ACOX3: variants seen among roughly 807,000 people sequenced by gnomAD.
ACOX3 encodes acyl-CoA oxidase 3, pristanoyl.
ACOX3 carries 73 observed loss-of-function variants against 81.5 expected under a neutral mutation model. The observed-to-expected ratio is 0.90, with a 90% CI of 0.74 to 1.09. The LOEUF (loss-of-function observed/expected upper bound fraction) is 1.09, where lower values mean the gene tolerates loss of function less well. Ranked by LOEUF, ACOX3 falls within the 50% of genes least tolerant of loss-of-function variation. ACOX3 has a pLI of 0.00. For synonymous variants in ACOX3, 387 were observed against 375.1 expected (o/e 1.03, Z -0.37); for missense variants, 947 against 928.0 (o/e 1.02, Z -0.27).
At chr4:8,393,114 T>C (rs1294472827) in intron 10 of ACOX3, 1 of 146,980 alleles carries the variant, frequency 6.8e-6, no homozygotes, top group Non-Finnish European at 1.5e-5. Context: ...GAATAGCAGG[T>C]GCTGCAGGCT....
At chr4:8,373,733 T>A (rs1169472353) in intron 15 of ACOX3, 105 bp from the exon 16 acceptor site, 1 of 1,015,820 alleles carries the variant, frequency 9.8e-7, no homozygotes. Context: ...ATAGGAGGCC[T>A]GTTTTGGGTG....
rs937809908 is a variant in ACOX3 at position 8,419,488 on chromosome 4, G to C, written c.-14-2953C>G. Among the ~76,000 whole-genome samples the C allele has an allele frequency of 6.6e-6, 1 of 152,014 alleles. No individual in the cohort carries two copies. Among genetic ancestry groups the C allele is most frequent in the African/African-American group, 2.4e-5 (1 of 41,364 alleles). ...ACAGAAAAATAATCACAAGTATTGA[G>C]AGGATGTGGAGAAATCAGACTCTCA... On this transcript the variant is annotated intron_variant, in intron 1 of 17. Transcript: ENST00000356406. The surrounding 1 kb of genome is among the most constrained non-coding windows in gnomAD (Gnocchi z 4.2).
intron 15 of ACOX3, chr4:8,374,171 C>G (rs549222575): frequency 1.2e-5 from 2 of 160,424 alleles, no homozygotes; most frequent in African/African-American, 4.8e-5. Flanking sequence ...TGGCCTTGTG[C>G]GTTCGGGAGC....
chr4:8,385,680 T>C lies in ACOX3; in HGVS notation c.1537+3493A>G, dbSNP rs1718218011. The stretch of plus-strand genomic sequence containing the variant: ...AATCGAACCCCTGAAGGACCCGCCA[T>C]TGGCTTGGCAAATCCTCCACCCTTC... On this transcript the variant is annotated intron_variant, in intron 13 of 17. Transcript: ENST00000356406. The surrounding 1 kb of genome is among the most constrained non-coding windows in gnomAD (Gnocchi z 5.5). Among the ~76,000 whole-genome samples the C allele has an allele frequency of 6.6e-6, 1 of 152,200 alleles. No homozygotes were observed. The highest frequency in any genetic ancestry group is 1.5e-5 in the Non-Finnish European group (1 of 68,018).
intron 1 of ACOX3, among the ~76,000 whole-genome samples, chr4:8,429,925 GA>G (rs895080912): frequency 2.6e-5 from 4 of 151,754 alleles, no homozygotes; most frequent in African/African-American, 9.7e-5. Flanking sequence ...AAAAAAAAGT[GA>G]AAAAAGCACA....
rs1477566980 is a variant in ACOX3 at position 8,382,987 on chromosome 4, T to A, written c.1538-1380A>T. 1.1e-5 allele frequency among the ~76,000 whole-genome samples: 1 copy of A among 93,358 alleles called. No individual in the cohort carries two copies. Among genetic ancestry groups the A allele is most frequent in the Non-Finnish European group, 2.2e-5 (1 of 45,992 alleles). The allele number at this position is 93,358 out of a possible 152,430, so 61.2% of individuals were successfully genotyped here. On this transcript the variant is annotated intron_variant, in intron 13 of 17. Transcript: ENST00000356406. The surrounding 1 kb of genome is among the most constrained non-coding windows in gnomAD (Gnocchi z 4.1). ...GCCTGGGCGACAGAGCGAGACTCCGTCTCAAAAAAAAAAAAAAAAGAAAAG... is the reference window on the plus strand; with the variant it reads ...GCCTGGGCGACAGAGCGAGACTCCGACTCAAAAAAAAAAAAAAAAGAAAAG...
Position 8,394,405 on chromosome 4 carries a change from T to C in ACOX3, c.1179+215A>G, listed in dbSNP as rs996693222. Among the ~76,000 whole-genome samples, 1 of 152,198 alleles carries C rather than the reference T, an allele frequency of 6.6e-6. No individual in the cohort carries two copies. The highest frequency in any genetic ancestry group is 1.5e-5 in the Non-Finnish European group (1 of 68,030). On this transcript the variant is annotated intron_variant, in intron 10 of 17. Coordinates refer to ENST00000356406, the MANE Select transcript of ACOX3 (RefSeq NM_003501.3). The surrounding 1 kb of genome is among the most constrained non-coding windows in gnomAD (Gnocchi z 5.9). The stretch of plus-strand genomic sequence containing the variant: ...TCACAGACTGGAACCGGGAGTCGTG[T>C]CAGCACATCCTTGAGAGGCAGGGGT...
intron 13 of ACOX3, among the ~76,000 whole-genome samples, chr4:8,388,898 G>A (rs1011582738): frequency 6.6e-6 from 1 of 152,168 alleles, no homozygotes; most frequent in African/African-American, 2.4e-5. Context: ...GGCCTCTCAC[G>A]CCCTTTATCC....
the ACOX3 span, chr4:8,356,966 G>A: frequency 2.2e-5 from 10 of 453,540 alleles, no homozygotes; most frequent in East Asian, 7.0e-4. Context: ...GCAGAATGGT[G>A]CATGCTAAGA....
chr4:8,392,647 T>C (rs62286009), intron 10 of ACOX3, among the ~76,000 whole-genome samples, 194 bp from the exon 11 acceptor site: 2,430 of 152,302 alleles, frequency 0.016, 19 homozygotes, highest in Admixed American at 0.023. Flanking sequence ...TACACTGTGG[T>C]ACGCTCATAC....
In ACOX3 at chr4:8,414,273, G is replaced by A. The variant is rs201727393; in HGVS notation, c.543+19C>T. 3.7e-5 allele frequency: 59 copies of A among 1,601,356 alleles called. No individual in the cohort carries two copies. Among genetic ancestry groups the A allele is most frequent in the Admixed American group, 5.0e-5 (3 of 59,950 alleles). ...TCATATGCTCCAAACTCAGGGACCCGGGGGAAGGTAATACCTACCTCAGTG... is the reference window on the plus strand; with the variant it reads ...TCATATGCTCCAAACTCAGGGACCCAGGGGAAGGTAATACCTACCTCAGTG... On this transcript the variant is annotated intron_variant, in intron 5 of 17. Coordinates refer to ENST00000356406, the MANE Select transcript of ACOX3 (RefSeq NM_003501.3). This position sits in a 1 kb window ranked among gnomAD's most constrained non-coding sequence, Gnocchi z 6.1.
intron 1 of ACOX3, among the ~76,000 whole-genome samples, chr4:8,435,880 C>T (rs1413985618): frequency 6.6e-6 from 1 of 152,066 alleles, no homozygotes; most frequent in Non-Finnish European, 1.5e-5. Context: ...CCAACAGCCC[C>T]CTGAGAAACG....
chr4:8,425,186 A>AGAAAG (rs2109021137), intron 1 of ACOX3, among the ~76,000 whole-genome samples: 1 of 152,296 alleles, frequency 6.6e-6, no homozygotes, highest in South Asian at 2.1e-4. Flanking sequence ...CGGGGTGATC[A>AGAAAG]GAAAGGAAAG....
At chr4:8,372,605 T>C (rs1290141193) in intron 16 of ACOX3, among the ~76,000 whole-genome samples, 1 of 152,150 alleles carries the variant, frequency 6.6e-6, no homozygotes, top group African/African-American at 2.4e-5. Context: ...GCCACATACG[T>C]GCGCCACAAT....
In ACOX3 at chr4:8,381,589, T is replaced by C; in HGVS notation, c.1556A>G (p.Lys519Arg). Residue 519 changes from lysine to arginine, a missense_variant, in exon 14 of 18, where the codon AAG becomes AGG. Lys to Arg is a conservative substitution (Grantham distance 26). Coordinates refer to ENST00000356406, the MANE Select transcript of ACOX3 (RefSeq NM_003501.3). The surrounding 1 kb of genome is among the most constrained non-coding windows in gnomAD (Gnocchi z 4.3). ...LDSAVALAAY[K>R]WLVCYLLRET... Reference sequence around the variant, plus strand: ...TCGGAGCAGGTAGCAAACCAGCCACTTGTATGCTGCCAGGGCGACTTCGGA... The same window carrying C: ...TCGGAGCAGGTAGCAAACCAGCCACCTGTATGCTGCCAGGGCGACTTCGGA... 2.5e-6 allele frequency: 4 copies of C among 1,613,782 alleles called. No individual in the cohort carries two copies. Among genetic ancestry groups the C allele is most frequent in the Non-Finnish European group, 2.5e-6 (3 of 1,179,864 alleles).
At chr4:8,376,684 C>T (rs987076238) in intron 14 of ACOX3, among the ~76,000 whole-genome samples, 1 of 152,166 alleles carries the variant, frequency 6.6e-6, no homozygotes, top group African/African-American at 2.4e-5. Flanking sequence ...CAGGAAGGCC[C>T]GTCCTGCTCC....
At chr4:8,439,750 A>G (rs761716826) in intron 1 of ACOX3, among the ~76,000 whole-genome samples, 2 of 152,234 alleles carry the variant, frequency 1.3e-5, no homozygotes, top group Non-Finnish European at 2.9e-5. Context: ...AGTGTATTAC[A>G]TAAAACACTA....
rs1164797691 is a variant in ACOX3 at position 8,382,359 on chromosome 4, G to A, written c.1538-752C>T. On this transcript the variant is annotated intron_variant, in intron 13 of 17. Transcript: ENST00000356406. The surrounding 1 kb of genome is among the most constrained non-coding windows in gnomAD (Gnocchi z 4.1). ...TCCCACAGTACTCCGTATGGACCAG[G>A]CATGGTCCTGAGACCCCACCAGGCT... 2.6e-5 allele frequency among the ~76,000 whole-genome samples: 4 copies of A among 152,214 alleles called. No individual in the cohort carries two copies. Among genetic ancestry groups the A allele is most frequent in the African/African-American group, 9.6e-5 (4 of 41,458 alleles).
chr4:8,359,927 T>G, the ACOX3 span, among the ~76,000 whole-genome samples: 1 of 152,262 alleles, frequency 6.6e-6, no homozygotes, highest in Non-Finnish European at 1.5e-5. The surrounding 1 kb of genome is among the most constrained non-coding windows in gnomAD (Gnocchi z 6.0). Context: ...GTGCTTTCTG[T>G]GTCTTTCTGT....
Sources: allele counts gnomAD v4.1 joint callset (sites outside exome capture counted in the v4.1 genomes callset), GRCh38; gene constraint gnomAD v4.1.1; non-coding constraint Gnocchi (gnomAD v3.1); transcripts MANE v1.5; gene names NCBI Gene and HGNC (gene_info 2026-07-23, HGNC 2026-07-21).